ATP11A: variants seen among roughly 807,000 people sequenced by gnomAD.
ATP11A encodes the protein phospholipid-transporting ATPase IH.
A neutral mutation model predicts 154.4 loss-of-function variants in ATP11A; 81 were observed. The observed-to-expected ratio is 0.52, with a 90% CI of 0.44 to 0.63. The LOEUF is 0.63. Among genes scored for constraint, ATP11A ranks in the 30% least tolerant of loss-of-function variants. The probability of loss-of-function intolerance (pLI) is 0.00; values close to 1 mark genes in which losing one functional copy is unlikely to be tolerated. For synonymous variants in ATP11A, 623 were observed against 585.9 expected, an observed-to-expected ratio of 1.06 and a Z score of -0.91; for missense variants, 1,316 against 1,474.3, an observed-to-expected ratio of 0.89 and a Z score of 1.76.
At chr13:112,723,800 G>A (rs1197871651) in intron 1 of ATP11A, among the ~76,000 whole-genome samples, 2 of 152,130 alleles carry the variant, frequency 1.3e-5, no homozygotes, top group Admixed American at 6.5e-5. Context: ...CTAGGCAGCT[G>A]ACTGAAGGTT....
Position 112,834,493 on chromosome 13 carries a change from TGAAAAGAACG to T in ATP11A, c.1560-95_1560-86del. The T allele has an allele frequency of 6.4e-6, 5 of 787,092 alleles. No homozygotes were observed. The Admixed American group carries it at 6.5e-5, about 10-fold the overall frequency. The allele number at this position is 787,092 out of a possible 1,614,324, so 48.8% of individuals were successfully genotyped here. Reference sequence around the variant, plus strand: ...TGTTTAACTGAAAGTATTTCTTTTTTGAAAAGAACGCTTTACCAAAATATAAAGCAAATAC... The same window carrying T: ...TGTTTAACTGAAAGTATTTCTTTTTTCTTTACCAAAATATAAAGCAAATAC... On this transcript the variant is annotated intron_variant, in intron 14 of 29. Coordinates refer to ENST00000375645, the MANE Select transcript of ATP11A (RefSeq NM_015205.3).
At chr13:112,798,205 C>A (rs2078049412) in intron 2 of ATP11A, among the ~76,000 whole-genome samples, 1 of 152,240 alleles carries the variant, frequency 6.6e-6, no homozygotes, top group South Asian at 2.1e-4. Context: ...CTAGTTGTCA[C>A]ATTGGCAACA....
At chr13:112,821,514 A>G (rs1376266275) in intron 8 of ATP11A, among the ~76,000 whole-genome samples, 1 of 152,140 alleles carries the variant, frequency 6.6e-6, no homozygotes, top group Non-Finnish European at 1.5e-5. Context: ...GGGTTTTGCC[A>G]TGTCGGTCAA....
chr13:112,722,073 C>G (rs548515916), intron 1 of ATP11A, among the ~76,000 whole-genome samples: 1 of 152,286 alleles, frequency 6.6e-6, no homozygotes, highest in African/African-American at 2.4e-5. Flanking sequence ...AAGGGTCCAA[C>G]TCACAATATT....
chr13:112,715,603 C>A (rs1337162574), intron 1 of ATP11A, among the ~76,000 whole-genome samples: 1 of 119,604 alleles, frequency 8.4e-6, no homozygotes, highest in African/African-American at 3.0e-5. Flanking sequence ...CTGATCCCCC[C>A]ACCTGGTCAC....
chr13:112,691,831 C>T (rs1885237242), intron 1 of ATP11A, among the ~76,000 whole-genome samples: 3 of 152,058 alleles, frequency 2.0e-5, no homozygotes, highest in Admixed American at 2.0e-4. Context: ...CTCGGAGAGT[C>T]AAGGAGACTT....
intron 2 of ATP11A, among the ~76,000 whole-genome samples, chr13:112,801,360 G>A (rs1447821772): frequency 1.4e-5 from 2 of 143,914 alleles, no homozygotes; most frequent in African/African-American, 5.3e-5. Flanking sequence ...AAAACGAGAT[G>A]ATTTCACCCT....
intron 28 of ATP11A, among the ~76,000 whole-genome samples, chr13:112,877,217 G>C (rs1379662015): frequency 2.6e-4 from 39 of 152,184 alleles, no homozygotes; most frequent in Admixed American, 2.6e-3. Flanking sequence ...AGGGGAGACA[G>C]TGGGAGCAGG....
intron 1 of ATP11A, among the ~76,000 whole-genome samples, chr13:112,720,497 A>C (rs1004570419): frequency 9.2e-5 from 14 of 151,962 alleles, no homozygotes; most frequent in Admixed American, 2.0e-4. Context: ...GGTTGAGGCA[A>C]AGAGGTTGTG....
intron 1 of ATP11A, among the ~76,000 whole-genome samples, chr13:112,721,917 A>G (rs1221169818): frequency 6.6e-6 from 1 of 152,248 alleles, no homozygotes; most frequent in Non-Finnish European, 1.5e-5. Context: ...GGAGGCGCCA[A>G]GTGCAGGCCG....
At chr13:112,737,552 G>A (rs1190474604) in intron 1 of ATP11A, among the ~76,000 whole-genome samples, 2 of 152,214 alleles carry the variant, frequency 1.3e-5, no homozygotes, top group African/African-American at 4.8e-5. Flanking sequence ...GCTGGGCTGA[G>A]GAACAGCATG....
At chr13:112,830,263 T>C (rs2079050409) in intron 12 of ATP11A, among the ~76,000 whole-genome samples, 3 of 152,210 alleles carry the variant, frequency 2.0e-5, no homozygotes, top group Admixed American at 2.0e-4. Context: ...CTCATTCTTA[T>C]CCATTTTACC....
At chr13:112,872,534 C>T (rs1244578532) in intron 26 of ATP11A, among the ~76,000 whole-genome samples, 3 of 152,228 alleles carry the variant, frequency 2.0e-5, no homozygotes, top group Non-Finnish European at 4.4e-5. Context: ...TCGCTTGAAC[C>T]CGGGAGGTGG....
At chr13:112,822,934 C>T (rs995483818) in intron 8 of ATP11A, among the ~76,000 whole-genome samples, 6 of 152,122 alleles carry the variant, frequency 3.9e-5, no homozygotes, top group East Asian at 1.9e-4. Flanking sequence ...AGGCCTGGGA[C>T]GATCTTCCTG....
chr13:112,818,210 C>CCG (rs2140191484), intron 6 of ATP11A, among the ~76,000 whole-genome samples: 6 of 146,828 alleles, frequency 4.1e-5, no homozygotes, highest in Admixed American at 1.3e-4. Context: ...CGGGCAGTGA[C>CCG]TGTTGGTGCG....
intron 25 of ATP11A, among the ~76,000 whole-genome samples, chr13:112,869,443 T>C (rs2080442376): frequency 6.6e-6 from 1 of 152,206 alleles, no homozygotes; most frequent in Non-Finnish European, 1.5e-5. Flanking sequence ...GTTTCTCGGC[T>C]CACAGCAGGG....
intron 1 of ATP11A, among the ~76,000 whole-genome samples, chr13:112,782,948 G>C (rs1430887163): frequency 6.6e-6 from 1 of 152,250 alleles, no homozygotes; most frequent in Non-Finnish European, 1.5e-5. Context: ...GGAAACACTG[G>C]TTGATAGTCT....
intron 1 of ATP11A, among the ~76,000 whole-genome samples, chr13:112,775,685 T>G (rs1356997844): frequency 2.0e-5 from 3 of 151,992 alleles, no homozygotes; most frequent in African/African-American, 7.2e-5. Flanking sequence ...TACTCCAGTT[T>G]TCTGCACGTT....
intron 27 of ATP11A, among the ~76,000 whole-genome samples, chr13:112,873,948 T>TCTGTTCC (rs2080632141): frequency 6.6e-6 from 1 of 152,154 alleles, no homozygotes; most frequent in African/African-American, 2.4e-5. Flanking sequence ...CAGACCAGGA[T>TCTGTTCC]TCCGCACCAG....
Sources: gnomAD v4.1 joint callset for allele counts (sites outside exome capture counted in the v4.1 genomes callset) on GRCh38, gnomAD v4.1.1 for gene constraint, MANE v1.5 for transcripts, NCBI Gene and HGNC (gene_info 2026-07-23, HGNC 2026-07-21) for gene names.